Variants in SVOPL observed in about 807,000 individuals in gnomAD.
SVOPL encodes the protein putative transporter SVOPL.
A neutral mutation model predicts 61.0 loss-of-function variants in SVOPL; 60 were observed. The observed-to-expected ratio is 0.98, with a 90% CI of 0.80 to 1.22. The LOEUF (loss-of-function observed/expected upper bound fraction) is 1.22. SVOPL is among the 50% of genes most tolerant of loss of function. SVOPL has a pLI of 0.00. For synonymous variants in SVOPL, 279 were observed against 250.0 expected, an observed-to-expected ratio of 1.12 and a Z score of -1.09; for missense variants, 662 against 643.9, an observed-to-expected ratio of 1.03 and a Z score of -0.30.
chr7:138,626,280 C>T (rs896489354), intron 12 of SVOPL, among the ~76,000 whole-genome samples: 10 of 152,214 alleles, frequency 6.6e-5, no homozygotes, highest in African/African-American at 2.4e-4. Context: ...ACCCTGGCCC[C>T]TCACATTAGC....
chr7:138,623,604 C>T (rs531815315), intron 13 of SVOPL, among the ~76,000 whole-genome samples: 23 of 151,284 alleles, frequency 1.5e-4, no homozygotes, highest in African/African-American at 5.3e-4. Flanking sequence ...TGTCTCAAAA[C>T]AAAAAAAATA....
intron 8 of SVOPL, chr7:138,646,557 T>TGCCC (rs1252387479): frequency 6.5e-6 from 1 of 152,874 alleles, no homozygotes; most frequent in Non-Finnish European, 1.5e-5. Flanking sequence ...CTTGCTCTGT[T>TGCCC]GCCCAGTCTA....
At chr7:138,691,809 G>A (rs1802950640) in intron 1 of SVOPL, among the ~76,000 whole-genome samples, 1 of 151,962 alleles carries the variant, frequency 6.6e-6, no homozygotes, top group African/African-American at 2.4e-5. Context: ...CCAAAGTGCT[G>A]GGATTACAGG....
At chr7:138,684,143 T>A (rs1802755922) in intron 1 of SVOPL, among the ~76,000 whole-genome samples, 1 of 150,296 alleles carries the variant, frequency 6.7e-6, no homozygotes, top group African/African-American at 2.5e-5. Flanking sequence ...GGCAGGCAGA[T>A]CACCCGAGGT....
chr7:138,649,785 G>C (rs1188985003), intron 7 of SVOPL, among the ~76,000 whole-genome samples: 2 of 152,132 alleles, frequency 1.3e-5, no homozygotes, highest in African/African-American at 2.4e-5. Context: ...GACCAGGTCA[G>C]TGATATAGCA....
At chr7:138,612,093 T>C (rs1799058528) in intron 14 of SVOPL, among the ~76,000 whole-genome samples, 1 of 26,844 alleles carries the variant, frequency 3.7e-5, no homozygotes, top group Non-Finnish European at 8.0e-5. Context: ...TCTGTGACCT[T>C]ACCCCCAACC....
intron 6 of SVOPL, among the ~76,000 whole-genome samples, chr7:138,659,320 C>T (rs979529864): frequency 2.2e-4 from 34 of 152,062 alleles, no homozygotes; most frequent in African/African-American, 7.5e-4. Flanking sequence ...GGCGAAACCC[C>T]GTCTCTACTA....
At chr7:138,675,981 G>A (rs1421261217) in intron 3 of SVOPL, among the ~76,000 whole-genome samples, 1 of 152,162 alleles carries the variant, frequency 6.6e-6, no homozygotes, top group East Asian at 1.9e-4. Context: ...TGGGATTACA[G>A]ACACATGCCA....
chr7:138,680,596 T>C (rs960940920), intron 1 of SVOPL, among the ~76,000 whole-genome samples: 3 of 151,594 alleles, frequency 2.0e-5, no homozygotes, highest in African/African-American at 7.3e-5. Context: ...TGTGTGTGTG[T>C]GAGACGGAGT....
At position 138,652,224 on chromosome 7, in the gene SVOPL, G is replaced by A. The variant is rs145309194; in HGVS notation, c.535-3087C>T. ...CTGGCACCACACCAAGCTAATTTTT[G>A]TATTTTTAGCAGAGACAGGGTTTCA... On this transcript the variant is annotated intron_variant, in intron 7 of 15. Transcript: ENST00000674285. Among the ~76,000 whole-genome samples the A allele has an allele frequency of 9.2e-5, 14 of 152,148 alleles. No individual in the cohort carries two copies. In the East Asian group the frequency reaches 2.7e-3, roughly 29 times the overall value.
intron 4 of SVOPL, among the ~76,000 whole-genome samples, chr7:138,664,922 C>T (rs1802196631): frequency 1.2e-5 from 1 of 81,096 alleles, no homozygotes; most frequent in South Asian, 5.3e-4. Context: ...CGCGCTCGAC[C>T]CTTCCTTACC....
chr7:138,700,619 G>A (rs569767192), intron 1 of SVOPL, among the ~76,000 whole-genome samples: 9 of 152,090 alleles, frequency 5.9e-5, no homozygotes, highest in East Asian at 1.9e-4. Context: ...GATTACAGGC[G>A]TGAGCCACCG....
intron 13 of SVOPL, among the ~76,000 whole-genome samples, chr7:138,622,894 G>A (rs1414749775): frequency 2.6e-5 from 4 of 152,200 alleles, no homozygotes; most frequent in East Asian, 3.8e-4. Flanking sequence ...AAATAGAATT[G>A]TAGGGAGAAT....
intron 1 of SVOPL, among the ~76,000 whole-genome samples, chr7:138,685,256 A>G (rs1316852164): frequency 1.3e-5 from 2 of 152,106 alleles, no homozygotes; most frequent in Non-Finnish European, 2.9e-5. Flanking sequence ...TTCATCTTTA[A>G]AAAAGAGGGA....
intron 8 of SVOPL, chr7:138,645,828 GTT>G (rs1287208713): frequency 6.2e-6 from 1 of 161,172 alleles, no homozygotes; most frequent in African/African-American, 2.4e-5. Context: ...GTTTTGTTTT[GTT>G]TTTTGAGATG....
chr7:138,633,374 T>C (rs1399940207), intron 9 of SVOPL, among the ~76,000 whole-genome samples: 1 of 152,138 alleles, frequency 6.6e-6, no homozygotes, highest in Non-Finnish European at 1.5e-5. Context: ...GTGCCCTCCC[T>C]GCAGTAACGA....
chr7:138,638,889 GGAAA>G (rs1271238227), intron 9 of SVOPL, among the ~76,000 whole-genome samples: 2 of 152,196 alleles, frequency 1.3e-5, no homozygotes, highest in Admixed American at 1.3e-4. Flanking sequence ...AAGGAGACAA[GGAAA>G]GACATGATTC....
intron 9 of SVOPL, among the ~76,000 whole-genome samples, chr7:138,635,938 TATATAC>T (rs1213627517): frequency 3.9e-5 from 6 of 152,096 alleles, no homozygotes; most frequent in Non-Finnish European, 8.8e-5. Flanking sequence ...TAGAAAAATA[TATATAC>T]ATTTTTTTGA....
intron 1 of SVOPL, among the ~76,000 whole-genome samples, chr7:138,691,911 A>C (rs1802952201): frequency 6.6e-6 from 1 of 151,332 alleles, no homozygotes; most frequent in Non-Finnish European, 1.5e-5. Context: ...TCTGCCTCCC[A>C]GTTTCCAGGG....
Sources: gnomAD v4.1 joint callset for allele counts (sites outside exome capture counted in the v4.1 genomes callset) on GRCh38, gnomAD v4.1.1 for gene constraint, MANE v1.5 for transcripts, NCBI Gene and HGNC (gene_info 2026-07-23, HGNC 2026-07-21) for gene names.